Variants in MTR observed in about 807,000 individuals in gnomAD.
MTR encodes methionine synthase.
A neutral mutation model predicts 154.8 loss-of-function variants in MTR; 84 were observed. The observed-to-expected ratio is 0.54, with a 90% CI of 0.45 to 0.65. MTR has a LOEUF of 0.65. Among genes scored for constraint, MTR ranks in the 30% least tolerant of loss-of-function variants. The probability of loss-of-function intolerance (pLI) is 0.00; values close to 1 mark genes in which losing one functional copy is unlikely to be tolerated. For synonymous variants in MTR, 554 were observed against 553.9 expected (o/e 1.00, Z 0.00); for missense variants, 1,275 against 1,570.2 (o/e 0.81, Z 3.18).
chr1:236,815,424 A>G (rs952662726), intron 6 of MTR, among the ~76,000 whole-genome samples, 180 bp from the exon 7 acceptor site: 12 of 152,170 alleles, frequency 7.9e-5, no homozygotes, highest in African/African-American at 2.7e-4. Context: ...TATGCACAGT[A>G]TTACACTTGA....
intron 22 of MTR, 33 bp from the exon 23 acceptor site, chr1:236,873,740 T>A (rs766692999): frequency 4.4e-6 from 7 of 1,586,206 alleles, no homozygotes; most frequent in Non-Finnish European, 4.3e-6. Context: ...TGGGCTTTCA[T>A]TAATTTTCTC....
intron 27 of MTR, among the ~76,000 whole-genome samples, chr1:236,887,510 G>T (rs1666081172): frequency 6.6e-6 from 1 of 152,234 alleles, no homozygotes; most frequent in Admixed American, 6.5e-5. Context: ...TATTTGCTCT[G>T]TATCTTTCCC....
chr1:236,823,787 A>G (rs1215917042), intron 8 of MTR, among the ~76,000 whole-genome samples: 46 of 74,956 alleles, frequency 6.1e-4, no homozygotes, highest in Non-Finnish European at 1.1e-3. Flanking sequence ...TTTTGCTTTC[A>G]GGTCAGATCT....
At chr1:236,854,726 G>T (rs144474707) in intron 18 of MTR, among the ~76,000 whole-genome samples, 1 of 152,266 alleles carries the variant, frequency 6.6e-6, no homozygotes, top group East Asian at 1.9e-4. Context: ...CTCCTTATTT[G>T]TAAGACCGTT....
intron 14 of MTR, among the ~76,000 whole-genome samples, chr1:236,836,173 A>C (rs1662893992): frequency 6.6e-6 from 1 of 152,164 alleles, no homozygotes; most frequent in Non-Finnish European, 1.5e-5. Flanking sequence ...TTTTCGTGTC[A>C]GTCTTTTAAA....
intron 30 of MTR, 100 bp downstream of exon 30, chr1:236,894,657 T>C (rs559184919): frequency 3.5e-6 from 4 of 1,141,576 alleles, no homozygotes; most frequent in East Asian, 5.0e-5. Context: ...AGAACCAGTG[T>C]CTTTTTTTTT....
intron 5 of MTR, among the ~76,000 whole-genome samples, chr1:236,812,213 A>G (rs1661346391): frequency 6.6e-6 from 1 of 152,264 alleles, no homozygotes; most frequent in Non-Finnish European, 1.5e-5. Context: ...CCTAGGAGTG[A>G]TTGAACACTT....
chr1:236,829,565 C>G (rs1005589624), intron 12 of MTR, among the ~76,000 whole-genome samples: 4 of 152,194 alleles, frequency 2.6e-5, no homozygotes, highest in Non-Finnish European at 2.9e-5. Context: ...AAAACATACT[C>G]TTGGCCACAG....
At chr1:236,836,208 A>G (rs944055839) in intron 14 of MTR, among the ~76,000 whole-genome samples, 1 of 150,576 alleles carries the variant, frequency 6.6e-6, no homozygotes. Context: ...TTCTAAAATT[A>G]AAAAAAAAAT....
chr1:236,855,250 A>G (rs1664139503), intron 18 of MTR, among the ~76,000 whole-genome samples: 1 of 152,196 alleles, frequency 6.6e-6, no homozygotes. Context: ...CTGATATATT[A>G]TTGAAACTAG....
In MTR at chr1:236,886,351, G is replaced by C; in HGVS notation, c.2835G>C (p.Leu945=). ...ARKSGFQMDW[L]SEPHPVKPTF... Reference sequence around the variant, plus strand: ...AAAGTGGTTTCCAAATGGATTGGCTGTCTGAACCTCACCCAGGTCTGTTTG... The same window carrying C: ...AAAGTGGTTTCCAAATGGATTGGCTCTCTGAACCTCACCCAGGTCTGTTTG... Residue 945 remains leucine (L), a synonymous_variant, in exon 27 of 33, where the codon CTG becomes CTC. Transcript: ENST00000366577. 6.2e-7 allele frequency: 1 copy of C among 1,614,194 alleles called. No individual in the cohort carries two copies. Among genetic ancestry groups the C allele is most frequent in the African/African-American group, 1.3e-5 (1 of 75,060 alleles).
intron 18 of MTR, among the ~76,000 whole-genome samples, chr1:236,859,290 G>A (rs563609440): frequency 9.2e-5 from 14 of 152,318 alleles, no homozygotes; most frequent in South Asian, 4.1e-4. Context: ...TAATCCAGCC[G>A]TCATAAATTC....
At chr1:236,840,597 A>G (rs1663172476) in intron 15 of MTR, among the ~76,000 whole-genome samples, 1 of 152,238 alleles carries the variant, frequency 6.6e-6, no homozygotes, top group East Asian at 1.9e-4. Flanking sequence ...AGAAAGAGCA[A>G]ACGAGGTTTC....
At chr1:236,809,723 T>C (rs1228706400) in intron 4 of MTR, among the ~76,000 whole-genome samples, 2 of 152,180 alleles carry the variant, frequency 1.3e-5, no homozygotes, top group African/African-American at 4.8e-5. Flanking sequence ...ATCAATTAGC[T>C]GATAGTCCTC....
chr1:236,886,190 G>C (rs1339421783), intron 26 of MTR, 102 bp from the exon 27 acceptor site: 1 of 917,242 alleles, frequency 1.1e-6, no homozygotes, highest in Non-Finnish European at 1.7e-6. Context: ...AAGAGCATTT[G>C]CTTTCTTGCA....
chr1:236,897,227 A>G lies in MTR; in HGVS notation c.3711+109A>G, dbSNP rs996288236. 5 of 906,658 alleles carry G rather than the reference A, an allele frequency of 5.5e-6. No individual in the cohort carries two copies. The African/African-American group carries it at 8.2e-5, about 15-fold the overall frequency. The allele number at this position is 906,658 out of a possible 1,614,324, so 56.2% of individuals were successfully genotyped here. A position where few individuals can be genotyped will look rare whatever the true frequency, so the allele number is the denominator to read the frequency against. Reference sequence around the variant, plus strand: ...TAAAGTGAGGGGAAAGGATGAAGAAATTTACTCCAGTTAATGTCTTAATTT... The same window carrying G: ...TAAAGTGAGGGGAAAGGATGAAGAAGTTTACTCCAGTTAATGTCTTAATTT... On this transcript the variant is annotated intron_variant, in intron 32 of 32. Transcript: ENST00000366577.
chr1:236,861,042 C>T lies in MTR; in HGVS notation c.2044-83C>T, dbSNP rs975926960. On this transcript the variant is annotated intron_variant, in intron 19 of 32. Coordinates refer to ENST00000366577, the MANE Select transcript of MTR (RefSeq NM_000254.3). ...GTGCTGTTAGGCATTTTCATGATGG[C>T]TCTGTGGAGGTAAGGCAGTTTTTTA... The T allele has an allele frequency of 2.5e-6, 3 of 1,217,926 alleles. No individual in the cohort carries two copies. In the African/African-American group the frequency reaches 4.7e-5, roughly 19 times the overall value. The allele number at this position is 1,217,926 out of a possible 1,614,324, so 75.4% of individuals were successfully genotyped here.
chr1:236,855,945 A>G (rs1312921303), intron 18 of MTR, among the ~76,000 whole-genome samples: 3 of 152,346 alleles, frequency 2.0e-5, no homozygotes, highest in East Asian at 3.9e-4. Context: ...TATTTCTGAA[A>G]TAACTGCTTT....
intron 19 of MTR, among the ~76,000 whole-genome samples, chr1:236,860,712 T>A (rs1026585456): frequency 5.3e-5 from 8 of 152,212 alleles, no homozygotes; most frequent in Non-Finnish European, 1.2e-4. Context: ...CAAAATGGAT[T>A]TTATGCATTT....
Sources: allele counts gnomAD v4.1 joint callset (sites outside exome capture counted in the v4.1 genomes callset), GRCh38; gene constraint gnomAD v4.1.1; transcripts MANE v1.5; gene names NCBI Gene and HGNC (gene_info 2026-07-23, HGNC 2026-07-21).